DCTN5: variants seen among roughly 807,000 people sequenced by gnomAD.
DCTN5 encodes dynactin 4.
Under a neutral mutation model 23.5 loss-of-function variants are expected in DCTN5, and 14 were observed. That is an observed-to-expected ratio of 0.60 (90% CI 0.39 to 0.93). The LOEUF (loss-of-function observed/expected upper bound fraction) is 0.93, where lower values mean the gene tolerates loss of function less well. DCTN5 is among the 40% of genes least tolerant of loss of function. The pLI is 0.00. For missense variants in DCTN5, 156 were observed against 225.9 expected (o/e 0.69, Z 1.98); for synonymous variants, 67 against 79.6 (o/e 0.84, Z 0.84).
chr16:23,645,082 A>ACTATATCTATATCTATAT (rs1491120181), intron 2 of DCTN5, among the ~76,000 whole-genome samples: 1 of 60,342 alleles, frequency 1.7e-5, no homozygotes, highest in East Asian at 9.4e-4. Flanking sequence ...ACCCAGCCTA[A>ACTATATCTATATCTATAT]CTATATATAT....
intron 2 of DCTN5, among the ~76,000 whole-genome samples, chr16:23,645,118 TATATATATA>T (rs1967416412): frequency 2.4e-5 from 1 of 42,504 alleles, no homozygotes; most frequent in Non-Finnish European, 4.4e-5. Context: ...TATATATATA[TATATATATA>T]TATATATATA....
rs1248151088 is a variant in DCTN5, at chr16:23,671,827, A to C, written c.*4683A>C. The C allele has an allele frequency of 6.6e-6, 1 of 152,218 alleles. No individual in the cohort carries two copies. The highest frequency in any genetic ancestry group is 6.5e-5 in the Admixed American group (1 of 15,274). 9.4% of individuals were successfully genotyped at this position (152,218 alleles called of 1,614,324 possible). A position where few individuals can be genotyped will look rare whatever the true frequency, so the allele number is the denominator to read the frequency against. ...CTGAAGTGAGAAGAGTTGGCACAGG[A>C]CATCTTACTTCCCTGAAAACAGTAC... On this transcript the variant is annotated 3_prime_UTR_variant, in exon 6 of 6. Transcript: ENST00000300087.
intron 1 of DCTN5, 105 bp from the exon 2 acceptor site, chr16:23,642,850 C>G (rs975457708): frequency 1.1e-4 from 105 of 956,782 alleles, no homozygotes; most frequent in Non-Finnish European, 1.7e-5. Flanking sequence ...GGACAGCACC[C>G]CACTTTATGT....
Position 23,667,330 on chromosome 16 carries a change from A to T in DCTN5, c.*186A>T. 1.5e-6 allele frequency: 1 copy of T among 666,040 alleles called. No homozygotes were observed. The highest frequency in any genetic ancestry group is 2.5e-6 in the Non-Finnish European group (1 of 398,750). The allele number at this position is 666,040 out of a possible 1,614,324, so 41.3% of individuals were successfully genotyped here. A position where few individuals can be genotyped will look rare whatever the true frequency, so the allele number is the denominator to read the frequency against. ...TGCTTAAGAATTCACTAACAGACAGACCATCTGGAGGAGCTGTCTTCAAAT... is the reference window on the plus strand; with the variant it reads ...TGCTTAAGAATTCACTAACAGACAGTCCATCTGGAGGAGCTGTCTTCAAAT... On this transcript the variant is annotated 3_prime_UTR_variant, in exon 6 of 6. Transcript: ENST00000300087.
intron 2 of DCTN5, among the ~76,000 whole-genome samples, chr16:23,654,702 C>T (rs1967667880): frequency 6.6e-6 from 1 of 152,170 alleles, no homozygotes; most frequent in South Asian, 2.1e-4. Context: ...AATTCTAGGT[C>T]TTATTTCTTC....
At position 23,677,102 on chromosome 16, in the gene DCTN5, G is replaced by A. The variant is rs1187298632; in HGVS notation, c.*9958G>A. 1 of 152,276 alleles carries A rather than the reference G, an allele frequency of 6.6e-6. No homozygotes were observed. Among genetic ancestry groups the A allele is most frequent in the Non-Finnish European group, 1.5e-5 (1 of 68,064 alleles). The allele number at this position is 152,276 out of a possible 1,614,324, so 9.4% of individuals were successfully genotyped here. A position where few individuals can be genotyped will look rare whatever the true frequency, so the allele number is the denominator to read the frequency against. ...TGTGTCCTATGTGACTCTGCTGGGA[G>A]AGGACTGTGGGAGGCTTACACCTGG... On this transcript the variant is annotated 3_prime_UTR_variant, in exon 6 of 6. Coordinates refer to ENST00000300087, the MANE Select transcript of DCTN5 (RefSeq NM_032486.4).
intron 2 of DCTN5, among the ~76,000 whole-genome samples, chr16:23,645,250 T>G (rs1967433739): frequency 6.7e-6 from 1 of 149,704 alleles, no homozygotes; most frequent in Non-Finnish European, 1.5e-5. Flanking sequence ...TTCTCCTGCC[T>G]CAGACTCCCC....
At chr16:23,665,008 T>C (rs1967879732) in intron 4 of DCTN5, among the ~76,000 whole-genome samples, 2 of 152,224 alleles carry the variant, frequency 1.3e-5, no homozygotes, top group Non-Finnish European at 2.9e-5. Flanking sequence ...GCTGCTTTCC[T>C]CTGGGAGGTT....
At position 23,676,080 on chromosome 16, in the gene DCTN5, T is replaced by C. The variant is rs1454015972; in HGVS notation, c.*8936T>C. ...ACCTGTGCCCCTGGGACTGTGCTTCTGTACATGACCACAACTCTCATGATG... is the reference window on the plus strand; with the variant it reads ...ACCTGTGCCCCTGGGACTGTGCTTCCGTACATGACCACAACTCTCATGATG... On this transcript the variant is annotated 3_prime_UTR_variant, in exon 6 of 6. Coordinates refer to ENST00000300087, the MANE Select transcript of DCTN5 (RefSeq NM_032486.4). 1.3e-5 allele frequency: 2 copies of C among 152,318 alleles called. No individual in the cohort carries two copies. The highest frequency in any genetic ancestry group is 1.9e-4 in the East Asian group (1 of 5,184). 9.4% of individuals were successfully genotyped at this position (152,318 alleles called of 1,614,324 possible). A position where few individuals can be genotyped will look rare whatever the true frequency, so the allele number is the denominator to read the frequency against.
intron 2 of DCTN5, among the ~76,000 whole-genome samples, chr16:23,654,040 G>A (rs1449412097): frequency 6.6e-6 from 1 of 152,174 alleles, no homozygotes; most frequent in Non-Finnish European, 1.5e-5. Flanking sequence ...AATAACAGAT[G>A]CTGGTGAGGT....
At chr16:23,656,646 TATTA>T in intron 2 of DCTN5, among the ~76,000 whole-genome samples, 1 of 152,090 alleles carries the variant, frequency 6.6e-6, no homozygotes, top group East Asian at 1.9e-4. Context: ...TTACTTTTAT[TATTA>T]ATTTATATAT....
At chr16:23,643,056 CT>C in intron 2 of DCTN5, 33 bp downstream of exon 2, 1 of 1,590,024 alleles carries the variant, frequency 6.3e-7, no homozygotes, top group Non-Finnish European at 8.6e-7. Context: ...GGCTGCAAAC[CT>C]TAGCTTGCGT....
At chr16:23,655,668 C>A (rs1014739195) in intron 2 of DCTN5, among the ~76,000 whole-genome samples, 2 of 151,998 alleles carry the variant, frequency 1.3e-5, no homozygotes, top group Admixed American at 6.6e-5. Context: ...CCGCAGACTC[C>A]TGAGTAGCTG....
In DCTN5 at chr16:23,675,383, C is replaced by T. The variant is rs1968070523; in HGVS notation, c.*8239C>T. 1 of 151,958 alleles carries T rather than the reference C, an allele frequency of 6.6e-6. No homozygotes were observed. Among genetic ancestry groups the T allele is most frequent in the African/African-American group, 2.4e-5 (1 of 41,376 alleles). 9.4% of individuals were successfully genotyped at this position (151,958 alleles called of 1,614,324 possible). A position where few individuals can be genotyped will look rare whatever the true frequency, so the allele number is the denominator to read the frequency against. On this transcript the variant is annotated 3_prime_UTR_variant, in exon 6 of 6. Coordinates refer to ENST00000300087, the MANE Select transcript of DCTN5 (RefSeq NM_032486.4). Reference sequence around the variant, plus strand: ...GACATGATGGCATGTGCCTTTGGTTCCAGCTACTTAGGAGGCTGAGGTAGG... The same window carrying T: ...GACATGATGGCATGTGCCTTTGGTTTCAGCTACTTAGGAGGCTGAGGTAGG...
chr16:23,644,872 T>G (rs2140970355), intron 2 of DCTN5, among the ~76,000 whole-genome samples: 1 of 144,096 alleles, frequency 6.9e-6, no homozygotes, highest in East Asian at 2.3e-4. Flanking sequence ...CCTCCGCCTC[T>G]TGGCTTCAAG....
At chr16:23,644,457 T>C (rs1173098261) in intron 2 of DCTN5, among the ~76,000 whole-genome samples, 2 of 151,560 alleles carry the variant, frequency 1.3e-5, no homozygotes, top group East Asian at 4.0e-4. Flanking sequence ...CCCACCACCA[T>C]GCCCAGCTAA....
chr16:23,646,664 C>A (rs1967467162), intron 2 of DCTN5, among the ~76,000 whole-genome samples: 1 of 151,766 alleles, frequency 6.6e-6, no homozygotes, highest in African/African-American at 2.4e-5. Flanking sequence ...GCAACCTCCG[C>A]CTCCTGGGTT....
chr16:23,663,665 G>A (rs985987279), intron 4 of DCTN5, among the ~76,000 whole-genome samples: 2 of 151,972 alleles, frequency 1.3e-5, no homozygotes, highest in South Asian at 2.1e-4. Context: ...GCAGTGAGCC[G>A]AGATCGCGCC....
rs1959236262 is a variant in DCTN5 at position 23,677,405 on chromosome 16, G to A, written c.*10261G>A. 1 of 152,134 alleles carries A rather than the reference G, an allele frequency of 6.6e-6. No homozygotes were observed. Among genetic ancestry groups the A allele is most frequent in the African/African-American group, 2.4e-5 (1 of 41,430 alleles). 9.4% of individuals were successfully genotyped at this position (152,134 alleles called of 1,614,324 possible). ...TGAGCTCTATGAACAATTATAATAT[G>A]TACATTTTTTTCTGTAAGTGTATTA... On this transcript the variant is annotated 3_prime_UTR_variant, in exon 6 of 6. Transcript: ENST00000300087.
Sources: allele counts gnomAD v4.1 joint callset (sites outside exome capture counted in the v4.1 genomes callset), GRCh38; gene constraint gnomAD v4.1.1; transcripts MANE v1.5; gene names NCBI Gene and HGNC (gene_info 2026-07-23, HGNC 2026-07-21).